PRKDC: variants seen among roughly 807,000 people sequenced by gnomAD.
PRKDC encodes the protein protein kinase, DNA-activated, catalytic subunit.
Under a neutral mutation model 486.9 loss-of-function variants are expected in PRKDC, and 82 were observed. That is an observed-to-expected ratio of 0.17 (90% CI 0.14 to 0.20). PRKDC has a LOEUF of 0.20. Ranked by LOEUF, PRKDC falls within the 10% of genes least tolerant of loss-of-function variation. The pLI is 1.00. For missense variants in PRKDC, 4,504 were observed against 5,038.2 expected, an observed-to-expected ratio of 0.89 and a Z score of 3.21; for synonymous variants, 1,895 against 1,837.0, an observed-to-expected ratio of 1.03 and a Z score of -0.81.
In PRKDC at chr8:47,836,487, A is replaced by C; in HGVS notation, c.7802T>G (p.Val2601Gly). Residue 2601 changes from valine to glycine, a missense_variant, in exon 58 of 86, where the codon GTT becomes GGT. Val to Gly is a moderately radical substitution (Grantham distance 109). Transcript: ENST00000314191. ...IDSDWRFRST[V>G]LTPMFVETQA... ...GGTCTCCACAAACATCGGAGTGAGA[A>C]CAGTACTTCGGAAACGCCAATCAGA... 6.2e-7 allele frequency: 1 copy of C among 1,609,900 alleles called. No individual in the cohort carries two copies. The highest frequency in any genetic ancestry group is 1.1e-5 in the South Asian group (1 of 90,184).
chr8:47,872,500 G>GAAA (rs2088977057), intron 40 of PRKDC, among the ~76,000 whole-genome samples: 1 of 64,026 alleles, frequency 1.6e-5, no homozygotes, highest in Non-Finnish European at 3.0e-5. Flanking sequence ...ATATAAAAAA[G>GAAA]TAAAAAAAAA....
intron 37 of PRKDC, 107 bp downstream of exon 37, chr8:47,881,804 TA>T: frequency 1.0e-6 from 1 of 1,000,442 alleles, no homozygotes; most frequent in Non-Finnish European, 1.4e-6. Context: ...AATATTTTCT[TA>T]TTTGTCAAAC....
Position 47,927,812 on chromosome 8 carries a change from T to A in PRKDC, c.2218A>T (p.Ile740Phe), listed in dbSNP as rs1394928672. The A allele has an allele frequency of 3.8e-6, 6 of 1,591,162 alleles. No homozygotes were observed. The highest frequency in any genetic ancestry group is 2.3e-5 in the East Asian group (1 of 43,922). The stretch of plus-strand genomic sequence containing the variant: ...TAGGCTCTAACATCGAGTTCAATGA[T>A]GTTGTGTGGCAAGGACAGAAGAAAG... The part of the protein sequence containing the change: ...LTFLLSLPHN[I>F]IELDVRAYVP... The change falls in exon 20 of 86, where the codon ATC (isoleucine) becomes TTC (phenylalanine). Residue 740 changes from isoleucine (I) to phenylalanine (F), a missense_variant. By Grantham distance (21) the Ile-to-Phe change is conservative (BLOSUM62 0). This residue lies in a region of PRKDC where 1,969 missense variants were observed against 2,068.9 expected (regional missense o/e 0.95). Coordinates refer to ENST00000314191, the MANE Select transcript of PRKDC (RefSeq NM_006904.7).
intron 18 of PRKDC, 48 bp downstream of exon 18, chr8:47,929,805 C>G: frequency 3.3e-6 from 5 of 1,522,232 alleles, no homozygotes; most frequent in Non-Finnish European, 4.4e-6. Context: ...TATATATACT[C>G]ATGACCTAAA....
intron 68 of PRKDC, among the ~76,000 whole-genome samples, chr8:47,815,836 C>A (rs1363913199): frequency 6.6e-6 from 1 of 152,170 alleles, no homozygotes; most frequent in Non-Finnish European, 1.5e-5. Flanking sequence ...TGTCTCAAAG[C>A]AGCTCCTACA....
At chr8:47,918,607 G>T (rs566216982) in intron 21 of PRKDC, among the ~76,000 whole-genome samples, 1 of 152,150 alleles carries the variant, frequency 6.6e-6, no homozygotes, top group Non-Finnish European at 1.5e-5. Context: ...CTCCAGGGTC[G>T]AGAAGAGCAT....
chr8:47,935,546 A>T (rs920211274), intron 13 of PRKDC, among the ~76,000 whole-genome samples, 186 bp downstream of exon 13: 1 of 152,118 alleles, frequency 6.6e-6, no homozygotes, highest in Admixed American at 6.5e-5. Flanking sequence ...TTCTATTAAT[A>T]GAACTATTAA....
intron 60 of PRKDC, 46 bp from the exon 61 acceptor site, chr8:47,830,782 G>A (rs747063947): frequency 6.2e-7 from 1 of 1,612,116 alleles, no homozygotes; most frequent in East Asian, 2.2e-5. Context: ...TCTCATTGAA[G>A]GAAACTAGTC....
intron 40 of PRKDC, among the ~76,000 whole-genome samples, chr8:47,873,442 G>A (rs2089007309): frequency 6.6e-6 from 1 of 151,994 alleles, no homozygotes; most frequent in African/African-American, 2.4e-5. Context: ...CGGGAGGGAA[G>A]CTGAGACAGA....
rs537259154 is a variant in PRKDC at position 47,881,063 on chromosome 8, A to C, written c.5067+353T>G. 3.8e-3 allele frequency among the ~76,000 whole-genome samples: 456 copies of C among 119,596 alleles called. 2 individuals carry two copies. Among genetic ancestry groups the C allele is most frequent in the Admixed American group, 7.0e-3 (69 of 9,846 alleles). 78.5% of individuals were successfully genotyped at this position (119,596 alleles called of 152,430 possible). ...CTGTCTAAAAAAAAAAAAAAAAAAG[A>C]AAGCAAGAAAGCAAGAAAGCAAGAA... On this transcript the variant is annotated intron_variant, in intron 38 of 85. Transcript: ENST00000314191.
In PRKDC at chr8:47,912,539, A is replaced by T; in HGVS notation, c.2805T>A (p.His935Gln). The T allele has an allele frequency of 6.2e-7, 1 of 1,612,442 alleles. No individual in the cohort carries two copies. The highest frequency in any genetic ancestry group is 8.5e-7 in the Non-Finnish European group (1 of 1,179,040). ...QTKVAACELL[H>Q]SMVMFMLGKA... ...TGCCCAACATAAACATAACCATGCT[A>T]TGTAAAAGTTCACAGGCTGCAACCT... The change falls in exon 25 of 86, where the codon CAT becomes CAA. Residue 935 changes from histidine to glutamine, a missense_variant. Coordinates refer to ENST00000314191, the MANE Select transcript of PRKDC (RefSeq NM_006904.7).
intron 21 of PRKDC, among the ~76,000 whole-genome samples, chr8:47,922,575 C>T (rs913734997): frequency 1.3e-4 from 20 of 149,078 alleles, no homozygotes; most frequent in African/African-American, 4.9e-4. Flanking sequence ...CAAAATGGTA[C>T]GTGGGATTAC....
At chr8:47,883,150 T>C (rs2089257642) in intron 36 of PRKDC, among the ~76,000 whole-genome samples, 6 of 152,224 alleles carry the variant, frequency 3.9e-5, no homozygotes, top group Admixed American at 3.3e-4. Flanking sequence ...CTAAAACATC[T>C]GTATTCCACT....
intron 3 of PRKDC, among the ~76,000 whole-genome samples, chr8:47,956,155 A>C (rs1325196489): frequency 1.3e-5 from 2 of 152,090 alleles, no homozygotes; most frequent in African/African-American, 2.4e-5. Flanking sequence ...TGAGGTCAGG[A>C]GTTCGAGACC....
At chr8:47,776,782 C>T (rs928847725) in intron 85 of PRKDC, 62 bp downstream of exon 85, 37 of 1,582,100 alleles carry the variant, frequency 2.3e-5, no homozygotes, top group Admixed American at 3.6e-5. Context: ...TATATGTTGG[C>T]TCCTCGAGAA....
chr8:47,952,971 C>T (rs1046153342), intron 7 of PRKDC, among the ~76,000 whole-genome samples: 1 of 152,180 alleles, frequency 6.6e-6, no homozygotes, highest in Non-Finnish European at 1.5e-5. Flanking sequence ...GAAACCCCAT[C>T]TCTACTAAAA....
intron 1 of PRKDC, 33 bp from the exon 2 acceptor site, chr8:47,957,464 A>T: frequency 6.6e-7 from 1 of 1,516,210 alleles, no homozygotes; most frequent in Non-Finnish European, 9.0e-7. Flanking sequence ...AAGTTAAGAG[A>T]GTGCCAAGAG....
At chr8:47,789,525 G>A (rs1047672720) in intron 74 of PRKDC, among the ~76,000 whole-genome samples, 1 of 151,912 alleles carries the variant, frequency 6.6e-6, no homozygotes, top group East Asian at 1.9e-4. Context: ...AAAACACAAG[G>A]GAGGAGGGAA....
At chr8:47,819,139 G>A (rs553645456) in intron 67 of PRKDC, among the ~76,000 whole-genome samples, 37 of 152,132 alleles carry the variant, frequency 2.4e-4, no homozygotes, top group Non-Finnish European at 4.6e-4. Context: ...GGTATCCTCT[G>A]GAGTCACCCC....
Sources: allele counts gnomAD v4.1 joint callset (sites outside exome capture counted in the v4.1 genomes callset), GRCh38; gene constraint gnomAD v4.1.1; regional missense constraint gnomAD v4.1.1; transcripts MANE v1.5; gene names NCBI Gene and HGNC (gene_info 2026-07-23, HGNC 2026-07-21).